The following RAB30 variants were observed in gnomAD, a reference collection of about 807,000 sequenced individuals.
The protein encoded by RAB30 is ras-related protein Rab-30.
Under a neutral mutation model 25.1 loss-of-function variants are expected in RAB30, and 9 were observed. The ratio of observed to expected loss-of-function variants is 0.36; its 90% CI spans 0.22 to 0.63. RAB30 has a LOEUF of 0.63. Among genes scored for constraint, RAB30 ranks in the 20% least tolerant of loss-of-function variants. The probability of loss-of-function intolerance (pLI) is 0.69; values close to 1 mark genes in which losing one functional copy is unlikely to be tolerated. For missense variants in RAB30, 140 were observed against 243.5 expected, an observed-to-expected ratio of 0.58 and a Z score of 2.83; for synonymous variants, 77 against 86.4, an observed-to-expected ratio of 0.89 and a Z score of 0.60.
intron 1 of RAB30, among the ~76,000 whole-genome samples, chr11:83,068,444 C>A (rs537492920): frequency 6.6e-6 from 1 of 152,232 alleles, no homozygotes; most frequent in African/African-American, 2.4e-5. Context: ...TTCCTTCAAT[C>A]TCCTCTACTT....
At chr11:83,014,382 T>C (rs551388378) in intron 1 of RAB30, among the ~76,000 whole-genome samples, 3 of 152,062 alleles carry the variant, frequency 2.0e-5, no homozygotes, top group South Asian at 4.2e-4. Context: ...ACCTCATCTC[T>C]ACAAAAAATT....
At chr11:83,048,892 G>A (rs1042909747) in intron 1 of RAB30, among the ~76,000 whole-genome samples, 1 of 152,184 alleles carries the variant, frequency 6.6e-6, no homozygotes, top group Non-Finnish European at 1.5e-5. Context: ...GCATGGCCCT[G>A]AGTGGCTGTA....
At position 82,976,555 on chromosome 11, in the gene RAB30, C is replaced by G. The variant is rs968114821; in HGVS notation, c.*5610G>C. The G allele has an allele frequency of 2.0e-5, 3 of 152,174 alleles. No homozygotes were observed. The highest frequency in any genetic ancestry group is 7.2e-5 in the African/African-American group (3 of 41,436). The allele number at this position is 152,174 out of a possible 1,614,324, so 9.4% of individuals were successfully genotyped here. On this transcript the variant is annotated 3_prime_UTR_variant, in exon 5 of 5. Transcript: ENST00000527633. The stretch of plus-strand genomic sequence containing the variant: ...CTAGAACACAGCATCTCCAAAAATT[C>G]TGCTTTAAATCAATGGAAAAGTAAA...
intron 1 of RAB30, among the ~76,000 whole-genome samples, chr11:83,004,331 A>G (rs1052618671): frequency 6.6e-6 from 1 of 152,226 alleles, no homozygotes; most frequent in Non-Finnish European, 1.5e-5. Context: ...ATACACTTTA[A>G]TATAAATTTG....
chr11:83,060,489 A>C (rs1264468652), intron 1 of RAB30, among the ~76,000 whole-genome samples: 1 of 152,192 alleles, frequency 6.6e-6, no homozygotes, highest in African/African-American at 2.4e-5. Context: ...CAACCAAATG[A>C]TCAAACCTCA....
chr11:83,021,521 G>A (rs895231900), intron 1 of RAB30, among the ~76,000 whole-genome samples: 12 of 152,352 alleles, frequency 7.9e-5, no homozygotes, highest in Non-Finnish European at 1.6e-4. Context: ...AGCACCTTGA[G>A]CTGCCCGCCC....
At position 82,974,552 on chromosome 11, in the gene RAB30, AT is replaced by A. The variant is rs1856508874; in HGVS notation, c.*7612del. 1 of 152,198 alleles carries A rather than the reference AT, an allele frequency of 6.6e-6. No individual in the cohort carries two copies. The highest frequency in any genetic ancestry group is 1.5e-5 in the Non-Finnish European group (1 of 68,016). The allele number at this position is 152,198 out of a possible 1,614,324, so 9.4% of individuals were successfully genotyped here. On this transcript the variant is annotated 3_prime_UTR_variant, in exon 5 of 5. Coordinates refer to ENST00000527633, the MANE Select transcript of RAB30 (RefSeq NM_001286060.2). Reference sequence around the variant, plus strand: ...TATATTGAAGTTGGTTAGATTTTATATAACGCTGTATACAAATAATACTGAT... The same window carrying A: ...TATATTGAAGTTGGTTAGATTTTATAAACGCTGTATACAAATAATACTGAT...
chr11:83,066,185 C>T (rs777275254), intron 1 of RAB30, among the ~76,000 whole-genome samples: 8 of 152,100 alleles, frequency 5.3e-5, no homozygotes, highest in Non-Finnish European at 1.2e-4. Context: ...GGCAATGGTT[C>T]CCTAAATTAT....
rs1856649451 is a variant in RAB30, at chr11:82,982,125, G to A, written c.*40C>T. The A allele has an allele frequency of 6.2e-7, 1 of 1,612,058 alleles. No individual in the cohort carries two copies. The highest frequency in any genetic ancestry group is 8.5e-7 in the Non-Finnish European group (1 of 1,178,620). The stretch of plus-strand genomic sequence containing the variant: ...CTCCCCAGCATCTCATGGCCCATCA[G>A]GGCAGTTGCTGATTCCTTTTCTTCT... On this transcript the variant is annotated 3_prime_UTR_variant, in exon 5 of 5. Transcript: ENST00000527633.
At chr11:83,049,757 G>C (rs1770775975) in intron 1 of RAB30, among the ~76,000 whole-genome samples, 1 of 152,046 alleles carries the variant, frequency 6.6e-6, no homozygotes, top group Non-Finnish European at 1.5e-5. Flanking sequence ...ATTCAAATAG[G>C]CTTTGGAAAA....
chr11:83,042,085 T>G lies in RAB30; in HGVS notation c.-9+29606A>C, dbSNP rs145456940. On this transcript the variant is annotated intron_variant, in intron 1 of 4. Coordinates refer to ENST00000527633, the MANE Select transcript of RAB30 (RefSeq NM_001286060.2). ...CTTAGAATCACCACTCCTCTACTAT[T>G]TGTTCAGTTTTTAAAGAGTAACTCA... Among the ~76,000 whole-genome samples the G allele has an allele frequency of 3.9e-3, 591 of 152,024 alleles. 2 individuals carry two copies. Among genetic ancestry groups the G allele is most frequent in the Non-Finnish European group, 7.1e-3 (484 of 67,976 alleles).
intron 1 of RAB30, among the ~76,000 whole-genome samples, chr11:83,021,228 C>T (rs1857570905): frequency 6.6e-6 from 1 of 152,238 alleles, no homozygotes; most frequent in Admixed American, 6.5e-5. Flanking sequence ...ACTTGAGACT[C>T]ACTGAATGGT....
At chr11:83,008,153 G>A (rs1008340409) in intron 1 of RAB30, among the ~76,000 whole-genome samples, 1 of 152,158 alleles carries the variant, frequency 6.6e-6, no homozygotes, top group African/African-American at 2.4e-5. Context: ...AACACACAAA[G>A]CAGCCTGGCC....
intron 4 of RAB30, among the ~76,000 whole-genome samples, 163 bp from the exon 5 acceptor site, chr11:82,982,578 T>C (rs889443488): frequency 1.3e-5 from 2 of 152,140 alleles, no homozygotes; most frequent in Non-Finnish European, 2.9e-5. Context: ...AAAATATGAG[T>C]GCCAGCTGGG....
intron 1 of RAB30, among the ~76,000 whole-genome samples, chr11:83,011,375 G>A (rs1029771244): frequency 2.0e-5 from 3 of 152,098 alleles, no homozygotes; most frequent in African/African-American, 7.2e-5. Context: ...TATAAATCTT[G>A]TACTATAACA....
At chr11:83,016,735 C>T (rs531668272) in intron 1 of RAB30, among the ~76,000 whole-genome samples, 62 of 152,296 alleles carry the variant, frequency 4.1e-4, no homozygotes, top group Admixed American at 1.2e-3. Context: ...GGTCCCAACT[C>T]CAGGCTCTGA....
intron 4 of RAB30, among the ~76,000 whole-genome samples, chr11:82,985,000 CAG>C (rs1272014394): frequency 1.3e-5 from 2 of 152,194 alleles, no homozygotes; most frequent in African/African-American, 2.4e-5. Context: ...GTTTTTGAGA[CAG>C]AGTCTCGCTC....
intron 3 of RAB30, among the ~76,000 whole-genome samples, 157 bp from the exon 4 acceptor site, chr11:82,987,927 A>AAAAAAAAAAAAAAAAAAAAAC: frequency 7.8e-6 from 1 of 128,666 alleles, no homozygotes; most frequent in Non-Finnish European, 1.6e-5. Flanking sequence ...AAAAAAAAAA[A>AAAAAAAAAAAAAAAAAAAAAC]AAAAAAGCAC....
chr11:83,018,172 G>A (rs943079588), intron 1 of RAB30, among the ~76,000 whole-genome samples: 8 of 152,118 alleles, frequency 5.3e-5, no homozygotes, highest in East Asian at 3.9e-4. Context: ...GGTGGCATGC[G>A]CCTGTAGTCC....
Sources: gnomAD v4.1 joint callset for allele counts (sites outside exome capture counted in the v4.1 genomes callset) on GRCh38, gnomAD v4.1.1 for gene constraint, MANE v1.5 for transcripts, NCBI Gene and HGNC (gene_info 2026-07-23, HGNC 2026-07-21) for gene names.